POLD1: variants seen among roughly 807,000 people sequenced by gnomAD.
The protein encoded by POLD1 is DNA polymerase delta 1, catalytic subunit.
Under a neutral mutation model 129.7 loss-of-function variants are expected in POLD1, and 79 were observed. That is an observed-to-expected ratio of 0.61 (90% CI 0.51 to 0.73). The LOEUF (loss-of-function observed/expected upper bound fraction) is 0.73, where lower values mean the gene tolerates loss of function less well. Ranked by LOEUF, POLD1 falls within the 30% of genes least tolerant of loss-of-function variation. The pLI is 0.00. For missense variants in POLD1, 1,338 were observed against 1,595.8 expected, an observed-to-expected ratio of 0.84 and a Z score of 2.75; for synonymous variants, 714 against 683.3, an observed-to-expected ratio of 1.04 and a Z score of -0.70.
chr19:50,386,995 A>G (rs1025707319), intron 1 of POLD1, among the ~76,000 whole-genome samples: 1 of 151,682 alleles, frequency 6.6e-6, no homozygotes. Flanking sequence ...GACCAAGACC[A>G]TCCTGGCTAA....
At position 50,409,412 on chromosome 19, in the gene POLD1, G is replaced by A; in HGVS notation, c.2007-107G>A. On this transcript the variant is annotated intron_variant, in intron 16 of 26. Coordinates refer to ENST00000440232, the MANE Select transcript of POLD1 (RefSeq NM_002691.4). The surrounding 1 kb of genome is among the most constrained non-coding windows in gnomAD (Gnocchi z 5.8). The stretch of plus-strand genomic sequence containing the variant: ...TTTGCCCCCTTGGCCAGAAGCTTCT[G>A]TGCAGTGCACAGTACGCCCAACCGT... 1.3e-6 allele frequency: 2 copies of A among 1,490,950 alleles called. No individual in the cohort carries two copies. Among genetic ancestry groups the A allele is most frequent in the South Asian group, 1.2e-5 (1 of 85,454 alleles). 92.4% of individuals were successfully genotyped at this position (1,490,950 alleles called of 1,614,324 possible). A position where few individuals can be genotyped will look rare whatever the true frequency, so the allele number is the denominator to read the frequency against.
chr19:50,389,343 A>G (rs996774001), intron 1 of POLD1, among the ~76,000 whole-genome samples: 7 of 151,268 alleles, frequency 4.6e-5, no homozygotes, highest in African/African-American at 1.2e-4. Context: ...GCTGATCTCA[A>G]ACTCCTGGGT....
At chr19:50,391,823 C>G (rs1328581766) in intron 1 of POLD1, among the ~76,000 whole-genome samples, 1 of 152,170 alleles carries the variant, frequency 6.6e-6, no homozygotes, top group Non-Finnish European at 1.5e-5. Flanking sequence ...AGCGATTCTC[C>G]TGCCTCAGCC....
At chr19:50,407,956 A>G (rs543954169) in intron 14 of POLD1, among the ~76,000 whole-genome samples, 1 of 151,630 alleles carries the variant, frequency 6.6e-6, no homozygotes, top group South Asian at 2.1e-4. Flanking sequence ...GAGGATGATG[A>G]GCCCAGGAGG....
rs182887598 is a variant in POLD1, at chr19:50,398,477, G to T, written c.-1-374G>T. On this transcript the variant is annotated intron_variant, in intron 1 of 26. Transcript: ENST00000440232. ...ATCCCAGCTACTCGGGAGGCTGAGG[G>T]GAGAATCGCTTGAACCTGGGAGGTA... 1.0e-3 allele frequency among the ~76,000 whole-genome samples: 151 copies of T among 150,212 alleles called. 3 individuals carry two copies. Among genetic ancestry groups the T allele is most frequent in the African/African-American group, 3.3e-3 (135 of 40,706 alleles).
chr19:50,407,281 C>T lies in POLD1; in HGVS notation c.1687-46C>T, dbSNP rs3219401. On this transcript the variant is annotated intron_variant, in intron 13 of 26. Coordinates refer to ENST00000440232, the MANE Select transcript of POLD1 (RefSeq NM_002691.4). ...TTTTTCTCCCCACTCCCAATCCGCA[C>T]GGCCCCACCTATACCCACTCCATTT... 4.0e-3 allele frequency: 6,270 copies of T among 1,564,778 alleles called. 203 individuals are homozygous for T. In the African/African-American group the frequency reaches 0.071, roughly 18 times the overall value.
chr19:50,402,096 G>A lies in POLD1; in HGVS notation c.561G>A (p.Val187=), dbSNP rs948554916. The A allele has an allele frequency of 3.1e-6, 5 of 1,613,640 alleles. No homozygotes were observed. The highest frequency in any genetic ancestry group is 1.7e-5 in the Admixed American group (1 of 59,962). ...GGAGGGAGCTGACTGGGCCGGCCGT[G>A]CTGGCTGTGGAACTGTGCTCCCGAG... ...RGGRELTGPA[V]LAVELCSRES... The change falls in exon 5 of 27, where the codon GTG becomes GTA. Residue 187 remains valine, a synonymous_variant. Coordinates refer to ENST00000440232, the MANE Select transcript of POLD1 (RefSeq NM_002691.4).
At chr19:50,399,198 A>C in intron 2 of POLD1, 145 bp downstream of exon 2, 1 of 1,324,320 alleles carries the variant, frequency 7.6e-7, no homozygotes, top group Non-Finnish European at 1.1e-6. Flanking sequence ...CACCCCGTGC[A>C]GCCTGTGTGG....
At chr19:50,398,444 C>T (rs1000463712) in intron 1 of POLD1, among the ~76,000 whole-genome samples, 12 of 151,490 alleles carry the variant, frequency 7.9e-5, no homozygotes, top group South Asian at 2.1e-4. Context: ...TGGTGGTGGG[C>T]GCCTGTAATC....
At chr19:50,413,556 C>T in intron 18 of POLD1, 35 bp downstream of exon 18, 1 of 1,564,750 alleles carries the variant, frequency 6.4e-7, no homozygotes, top group Non-Finnish European at 8.8e-7. Context: ...TGAGATGGGC[C>T]CAGGGCAGGT....
At position 50,403,391 on chromosome 19, in the gene POLD1, T is replaced by C. The variant is rs1327926231; in HGVS notation, c.1138-102T>C. 3 of 1,164,802 alleles carry C rather than the reference T, an allele frequency of 2.6e-6. No homozygotes were observed. The African/African-American group carries it at 4.5e-5, about 18-fold the overall frequency. 72.2% of individuals were successfully genotyped at this position (1,164,802 alleles called of 1,614,324 possible). On this transcript the variant is annotated intron_variant, in intron 9 of 26. Transcript: ENST00000440232. ...GCTTGAGCACTTCCCCTCTGGGTTC[T>C]GCAGGATTTTCAGGGGTGGCTGGGG...
chr19:50,395,222 CCGGGCG>C (rs1568610880), intron 1 of POLD1: 7 of 145,112 alleles, frequency 4.8e-5, no homozygotes, highest in Non-Finnish European at 1.0e-4. Flanking sequence ...ATAGTGTAGG[CCGGGCG>C]CGGTGGCTGG....
Position 50,414,883 on chromosome 19 carries a change from C to T in POLD1, c.2457C>T (p.Asp819=), listed in dbSNP as rs777433056. Residue 819 remains aspartate (D), a synonymous_variant, in exon 20 of 27, where the codon GAC becomes GAT. Transcript: ENST00000440232. ...YAGLLFSSRP[D]AHDRMDCKGL... is the part of the protein sequence containing the mutation. ...GCCTGCTCTTCTCCTCCCGGCCCGA[C>T]GCCCACGACCGCATGGACTGCAAGG... The T allele has an allele frequency of 2.9e-5, 47 of 1,607,424 alleles. No individual in the cohort carries two copies. The highest frequency in any genetic ancestry group is 1.2e-4 in the Admixed American group (7 of 59,484).
chr19:50,395,482 G>T (rs2122157766), intron 1 of POLD1, among the ~76,000 whole-genome samples: 1 of 152,154 alleles, frequency 6.6e-6, no homozygotes. Flanking sequence ...TACTCAGGAG[G>T]CTGAGGCGGG....
chr19:50,399,522 C>T (rs576416238), intron 3 of POLD1, 38 bp downstream of exon 3: 17 of 1,476,884 alleles, frequency 1.2e-5, no homozygotes, highest in Admixed American at 5.0e-5. Flanking sequence ...TGGGGCCCTG[C>T]GCTCCTGGGG....
intron 1 of POLD1, among the ~76,000 whole-genome samples, chr19:50,394,514 G>A (rs1022648238): frequency 6.6e-6 from 1 of 152,086 alleles, no homozygotes; most frequent in Non-Finnish European, 1.5e-5. Context: ...AAATTAGCGG[G>A]TATGATGGTG....
chr19:50,415,964 G>A, intron 22 of POLD1, 138 bp downstream of exon 22: 1 of 649,774 alleles, frequency 1.5e-6, no homozygotes, highest in South Asian at 1.9e-5. Context: ...TGGCAGCCTG[G>A]GTGTGGCCTC....
chr19:50,417,118 G>A (rs2122504816), intron 25 of POLD1, 21 bp downstream of exon 25: 1 of 1,568,136 alleles, frequency 6.4e-7, no homozygotes, highest in Non-Finnish European at 8.7e-7. Context: ...CGGGAGGTGA[G>A]GAGGGGCCAG....
chr19:50,398,464 C>G (rs1252676023), intron 1 of POLD1, among the ~76,000 whole-genome samples: 2 of 139,492 alleles, frequency 1.4e-5, no homozygotes, highest in South Asian at 4.8e-4. Context: ...CCCAGCTACT[C>G]GGGAGGCTGA....
Sources: allele counts gnomAD v4.1 joint callset (sites outside exome capture counted in the v4.1 genomes callset), GRCh38; gene constraint gnomAD v4.1.1; non-coding constraint Gnocchi (gnomAD v3.1); transcripts MANE v1.5; gene names NCBI Gene and HGNC (gene_info 2026-07-23, HGNC 2026-07-21).